NOSTRIN: variants seen among roughly 807,000 people sequenced by gnomAD.
NOSTRIN encodes nitric oxide synthase trafficking.
NOSTRIN carries 63 observed loss-of-function variants against 59.0 expected under a neutral mutation model. That is an observed-to-expected ratio of 1.07 (90% CI 0.87 to 1.32). The LOEUF is 1.32. Ranked by LOEUF, NOSTRIN falls within the 40% of genes most tolerant of loss-of-function variation. The probability of loss-of-function intolerance (pLI) is 0.00; values close to 1 mark genes in which losing one functional copy is unlikely to be tolerated. For synonymous variants in NOSTRIN, 200 were observed against 165.4 expected (o/e 1.21, Z -1.61); for missense variants, 512 against 473.1 (o/e 1.08, Z -0.76).
rs570874136 is a variant in NOSTRIN at position 168,856,712 on chromosome 2, G to A, written c.987G>A (p.Thr329=). 2.0e-5 allele frequency: 32 copies of A among 1,614,074 alleles called. No homozygotes were observed. The highest frequency in any genetic ancestry group is 1.3e-4 in the Admixed American group (8 of 60,010). ...CAGGCCTGGAACGAATGCTTAAAACGTACTCCAGCACCTCCTCCTTCTCTG... is the reference window on the plus strand; with the variant it reads ...CAGGCCTGGAACGAATGCTTAAAACATACTCCAGCACCTCCTCCTTCTCTG... The part of the protein sequence containing the change: ...DKEGLERMLK[T]YSSTSSFSDA... Residue 329 remains threonine (T), a synonymous_variant, in exon 12 of 16, where the codon ACG becomes ACA. Transcript: ENST00000317647.
intron 10 of NOSTRIN, 49 bp from the exon 11 acceptor site, chr2:168,855,303 C>A: frequency 1.1e-6 from 1 of 947,206 alleles, no homozygotes. Context: ...CAGGGAATAG[C>A]AACTCTTACT....
chr2:168,847,453 G>A (rs760549328), intron 8 of NOSTRIN, among the ~76,000 whole-genome samples: 16 of 152,294 alleles, frequency 1.1e-4, no homozygotes, highest in Non-Finnish European at 2.4e-4. Flanking sequence ...GAGGGGTCTA[G>A]ATATTCTAAA....
intron 15 of NOSTRIN, among the ~76,000 whole-genome samples, chr2:168,864,302 A>G (rs1318146686): frequency 2.1e-5 from 3 of 144,206 alleles, no homozygotes; most frequent in Admixed American, 7.0e-5. Flanking sequence ...TTTTTCTGAG[A>G]CAGAGTCTTG....
intron 3 of NOSTRIN, among the ~76,000 whole-genome samples, chr2:168,825,855 C>A (rs867594561): frequency 2.4e-4 from 36 of 152,278 alleles, no homozygotes; most frequent in Middle Eastern, 3.4e-3. Context: ...GCTCAAATTT[C>A]CACTCTTCTT....
chr2:168,816,845 G>A (rs1488644763), intron 2 of NOSTRIN, among the ~76,000 whole-genome samples: 3 of 152,176 alleles, frequency 2.0e-5, no homozygotes, highest in Non-Finnish European at 4.4e-5. Context: ...GATGCTCACT[G>A]AGTAAATGAA....
chr2:168,861,206 C>T (rs1438209135), intron 14 of NOSTRIN, among the ~76,000 whole-genome samples: 2 of 152,148 alleles, frequency 1.3e-5, no homozygotes, highest in Non-Finnish European at 1.5e-5. Context: ...CCTAAACCAT[C>T]GTGAGGAGCT....
At chr2:168,840,375 A>C (rs1688004572) in intron 7 of NOSTRIN, among the ~76,000 whole-genome samples, 2 of 151,858 alleles carry the variant, frequency 1.3e-5, no homozygotes, top group Non-Finnish European at 2.9e-5. Context: ...CTAAAAATAC[A>C]AAAAATTAGC....
At chr2:168,853,688 T>G (rs777653810) in intron 10 of NOSTRIN, among the ~76,000 whole-genome samples, 2 of 152,164 alleles carry the variant, frequency 1.3e-5, no homozygotes, top group Non-Finnish European at 2.9e-5. Context: ...TCTTAGCAGT[T>G]TAGTCAGAGT....
chr2:168,842,712 C>T (rs1192414050), intron 7 of NOSTRIN, among the ~76,000 whole-genome samples: 3 of 152,188 alleles, frequency 2.0e-5, no homozygotes, highest in Non-Finnish European at 4.4e-5. Flanking sequence ...TTCTCCTTGA[C>T]TGTGTGAGTG....
intron 15 of NOSTRIN, among the ~76,000 whole-genome samples, chr2:168,862,845 G>T (rs1689552429): frequency 2.6e-5 from 4 of 152,174 alleles, no homozygotes; most frequent in Admixed American, 2.6e-4. Context: ...AAAGAGTAAC[G>T]TTATGGGAGA....
At chr2:168,833,425 C>G (rs78154622) in intron 6 of NOSTRIN, among the ~76,000 whole-genome samples, 1,634 of 152,348 alleles carry the variant, frequency 0.011, 37 homozygotes, top group African/African-American at 0.036. Flanking sequence ...AGAGAGACCT[C>G]TCCTTTACTA....
intron 7 of NOSTRIN, among the ~76,000 whole-genome samples, chr2:168,837,614 A>G (rs1203363816): frequency 2.0e-5 from 3 of 151,954 alleles, no homozygotes; most frequent in Admixed American, 2.0e-4. Context: ...CGGTCACAAT[A>G]TATCTTAGTG....
At chr2:168,845,790 C>CTTTT (rs3216710) in intron 8 of NOSTRIN, among the ~76,000 whole-genome samples, 22 of 140,628 alleles carry the variant, frequency 1.6e-4, no homozygotes, top group East Asian at 2.1e-4. Flanking sequence ...TTTTTTCTTC[C>CTTTT]TTTTTTTTTT....
At chr2:168,845,247 G>A (rs1169854887) in intron 8 of NOSTRIN, among the ~76,000 whole-genome samples, 2 of 152,132 alleles carry the variant, frequency 1.3e-5, no homozygotes, top group Non-Finnish European at 2.9e-5. Context: ...CTCTGATCTT[G>A]CCTCACCTCA....
upstream of NOSTRIN, among the ~76,000 whole-genome samples, chr2:168,797,378 T>C (rs571808460): frequency 3.9e-5 from 6 of 152,244 alleles, no homozygotes; most frequent in African/African-American, 1.4e-4. Context: ...ATAACAGGCA[T>C]GAGCTGCCAC....
chr2:168,799,450 G>A (rs1267964250), upstream of NOSTRIN, among the ~76,000 whole-genome samples: 3 of 152,110 alleles, frequency 2.0e-5, no homozygotes, highest in Admixed American at 2.0e-4. Flanking sequence ...CACATGCTCG[G>A]GGACAAATGT....
intron 15 of NOSTRIN, chr2:168,863,636 T>G: frequency 1.0e-6 from 1 of 980,394 alleles, no homozygotes; most frequent in Non-Finnish European, 1.2e-6. Context: ...GGGAGTTACA[T>G]TTTGAATGGG....
At chr2:168,827,028 T>C (rs912299245) in intron 3 of NOSTRIN, among the ~76,000 whole-genome samples, 1 of 152,198 alleles carries the variant, frequency 6.6e-6, no homozygotes, top group African/African-American at 2.4e-5. Context: ...GTGCAGAAAA[T>C]CTGGCATCTT....
intron 10 of NOSTRIN, among the ~76,000 whole-genome samples, chr2:168,854,902 C>T (rs1250938188): frequency 6.6e-6 from 1 of 152,176 alleles, no homozygotes; most frequent in East Asian, 1.9e-4. Context: ...CTCACATCTT[C>T]CCAGTACTGA....
Sources: allele counts gnomAD v4.1 joint callset (sites outside exome capture counted in the v4.1 genomes callset), GRCh38; gene constraint gnomAD v4.1.1; transcripts MANE v1.5; gene names NCBI Gene and HGNC (gene_info 2026-07-23, HGNC 2026-07-21).